The following PCDH9 variants were observed in gnomAD, a reference collection of about 807,000 sequenced individuals.
The protein encoded by PCDH9 is protocadherin 9, also known as protocadherin-9.
A neutral mutation model predicts 70.6 loss-of-function variants in PCDH9; 24 were observed. That is an observed-to-expected ratio of 0.34 (90% confidence interval 0.25 to 0.48). The LOEUF is 0.48. Ranked by LOEUF, PCDH9 falls within the 20% of genes least tolerant of loss-of-function variation. The pLI, the probability that PCDH9 is intolerant of heterozygous loss-of-function variation, is 0.99. For missense variants in PCDH9, 1,281 were observed against 1,503.6 expected (o/e 0.85, Z 2.45); for synonymous variants, 562 against 558.5 (o/e 1.01, Z -0.09).
At chr13:66,526,477 T>C (rs1289585609) in intron 4 of PCDH9, among the ~76,000 whole-genome samples, 1 of 151,098 alleles carries the variant, frequency 6.6e-6, no homozygotes, top group Non-Finnish European at 1.5e-5. Context: ...AAAATCAATG[T>C]ATTTATGTTT....
At chr13:66,327,186 GA>G (rs1566243550) in intron 4 of PCDH9, among the ~76,000 whole-genome samples, 3 of 152,094 alleles carry the variant, frequency 2.0e-5, no homozygotes, top group East Asian at 3.9e-4. Context: ...GGATGCTAAG[GA>G]AAAACCTCCA....
In PCDH9 at chr13:67,227,499, A is replaced by T. The variant is rs1226290369; in HGVS notation, c.942T>A (p.Val314=). The T allele has an allele frequency of 1.6e-5, 26 of 1,613,752 alleles. No individual in the cohort carries two copies. Among genetic ancestry groups the T allele is most frequent in the Non-Finnish European group, 2.2e-5 (26 of 1,179,834 alleles). The change falls in exon 2 of 5, where the codon GTT becomes GTA. Residue 314 remains valine, a synonymous_variant. Transcript: ENST00000377865. This position sits in a 1 kb window ranked among gnomAD's most constrained non-coding sequence, Gnocchi z 4.6. ...TCTCCTCTCTATCTAAGGACCTCTG[A>T]ACTGTAATCAGCCCAGTAGTATTAT... ...ALNNTTGLIT[V]QRSLDREETA... is the part of the protein sequence containing the mutation.
chr13:67,071,228 G>C (rs962458205), intron 2 of PCDH9, among the ~76,000 whole-genome samples: 3 of 152,052 alleles, frequency 2.0e-5, no homozygotes, highest in African/African-American at 7.2e-5. Flanking sequence ...TTCATGCTTA[G>C]CCACTGGGAG....
chr13:66,849,517 TAGAGAGAGAGAGAG>T (rs58589562), intron 3 of PCDH9, among the ~76,000 whole-genome samples: 1 of 63,578 alleles, frequency 1.6e-5, no homozygotes, highest in Admixed American at 2.0e-4. Flanking sequence ...TATATATATA[TAGAGAGAGAGAGAG>T]AGAGAGAGAG....
At chr13:66,874,524 C>T (rs1215189721) in intron 3 of PCDH9, among the ~76,000 whole-genome samples, 3 of 152,082 alleles carry the variant, frequency 2.0e-5, no homozygotes, top group African/African-American at 7.2e-5. Flanking sequence ...TAAGGCCAGT[C>T]TAAACTAGAG....
chr13:66,605,095 A>G (rs995365574), intron 4 of PCDH9, among the ~76,000 whole-genome samples: 2 of 152,044 alleles, frequency 1.3e-5, no homozygotes, highest in Admixed American at 1.3e-4. Flanking sequence ...TCATTACTAG[A>G]AGGTTTATGC....
At chr13:67,160,546 CA>C (rs1201456171) in intron 2 of PCDH9, among the ~76,000 whole-genome samples, 149 of 136,594 alleles carry the variant, frequency 1.1e-3, no homozygotes, top group African/African-American at 3.1e-3. Flanking sequence ...GACTCCGTCT[CA>C]AAAAAAAAAA....
At chr13:66,443,201 G>A (rs1958006813) in intron 4 of PCDH9, among the ~76,000 whole-genome samples, 1 of 152,164 alleles carries the variant, frequency 6.6e-6, no homozygotes. Context: ...TTAAGACATA[G>A]CCACAAACTC....
chr13:66,645,647 A>G (rs1172219400), intron 3 of PCDH9, among the ~76,000 whole-genome samples: 6 of 152,178 alleles, frequency 3.9e-5, no homozygotes, highest in Non-Finnish European at 7.4e-5. Flanking sequence ...ATATTCTAGG[A>G]TAGAAGAGTT....
intron 2 of PCDH9, among the ~76,000 whole-genome samples, chr13:67,134,352 A>G (rs1253506500): frequency 6.6e-6 from 1 of 152,104 alleles, no homozygotes; most frequent in East Asian, 1.9e-4. Flanking sequence ...ATCACCCTTT[A>G]TCACAGAATT....
chr13:66,720,326 G>GTTTTTTTTT (rs66600272), intron 3 of PCDH9, among the ~76,000 whole-genome samples: 1 of 132,026 alleles, frequency 7.6e-6, no homozygotes, highest in Non-Finnish European at 1.6e-5. Flanking sequence ...TTGCTTTTTT[G>GTTTTTTTTT]TTTTTTTTTT....
intron 2 of PCDH9, among the ~76,000 whole-genome samples, chr13:67,006,021 C>T (rs959012571): frequency 6.6e-6 from 1 of 152,126 alleles, no homozygotes; most frequent in Non-Finnish European, 1.5e-5. Flanking sequence ...GGTCAGGAGA[C>T]TGAGACCATC....
chr13:66,831,943 AT>A (rs972944909), intron 3 of PCDH9, among the ~76,000 whole-genome samples: 6 of 152,226 alleles, frequency 3.9e-5, no homozygotes, highest in Non-Finnish European at 7.4e-5. Context: ...CTTATAAATC[AT>A]TTTTTTAGGG....
chr13:66,592,329 G>T (rs899996799), intron 4 of PCDH9, among the ~76,000 whole-genome samples: 1 of 151,550 alleles, frequency 6.6e-6, no homozygotes, highest in Non-Finnish European at 1.5e-5. Flanking sequence ...TTCCAATGAT[G>T]GGGGGAAGAA....
At chr13:66,488,628 G>A (rs1958985144) in intron 4 of PCDH9, among the ~76,000 whole-genome samples, 2 of 152,030 alleles carry the variant, frequency 1.3e-5, no homozygotes, top group Non-Finnish European at 2.9e-5. Flanking sequence ...GAATTATTGT[G>A]ATCAAATAAT....
intron 3 of PCDH9, among the ~76,000 whole-genome samples, chr13:66,810,270 A>AT (rs900457396): frequency 6.6e-6 from 1 of 151,852 alleles, no homozygotes; most frequent in South Asian, 2.1e-4. Flanking sequence ...TAAATACAGA[A>AT]TTTTTTTTAA....
At chr13:66,794,943 C>T (rs1003273043) in intron 3 of PCDH9, among the ~76,000 whole-genome samples, 16 of 147,344 alleles carry the variant, frequency 1.1e-4, no homozygotes, top group Admixed American at 9.2e-4. Flanking sequence ...CAGACAGTTT[C>T]GCAAATGGAA....
At chr13:67,039,198 G>C (rs928936835) in intron 2 of PCDH9, among the ~76,000 whole-genome samples, 3 of 152,146 alleles carry the variant, frequency 2.0e-5, no homozygotes, top group Admixed American at 2.0e-4. Flanking sequence ...TGTGTAACAA[G>C]GTTGTGAGTT....
intron 4 of PCDH9, among the ~76,000 whole-genome samples, chr13:66,321,871 T>C (rs1955761321): frequency 6.6e-6 from 1 of 151,994 alleles, no homozygotes; most frequent in South Asian, 2.1e-4. Flanking sequence ...ATCCATTCTT[T>C]GTTTATTTCC....
Sources: allele counts gnomAD v4.1 joint callset (sites outside exome capture counted in the v4.1 genomes callset), GRCh38; gene constraint gnomAD v4.1.1; non-coding constraint Gnocchi (gnomAD v3.1); transcripts MANE v1.5; gene names NCBI Gene and HGNC (gene_info 2026-07-23, HGNC 2026-07-21).